Variants in SYNE2 observed in about 807,000 individuals in gnomAD.
SYNE2 encodes the protein nesprin-2.
Under a neutral mutation model 856.3 loss-of-function variants are expected in SYNE2, and 431 were observed. The observed-to-expected ratio is 0.50, with a 90% CI of 0.47 to 0.55. SYNE2 has a LOEUF of 0.55. Among genes scored for constraint, SYNE2 ranks in the 20% least tolerant of loss-of-function variants. The pLI is 0.00. For missense variants in SYNE2, 8,129 were observed against 8,023.2 expected, an observed-to-expected ratio of 1.01 and a Z score of -0.50; for synonymous variants, 2,923 against 2,872.3, an observed-to-expected ratio of 1.02 and a Z score of -0.56.
chr14:63,957,817 T>TC (rs1430875931), intron 8 of SYNE2, among the ~76,000 whole-genome samples: 2 of 152,064 alleles, frequency 1.3e-5, no homozygotes, highest in East Asian at 1.9e-4. Context: ...ACTCTTTTTT[T>TC]CCCCCTTCTT....
chr14:64,141,503 A>G lies in SYNE2; in HGVS notation c.15139A>G (p.Ile5047Val), dbSNP rs1434007527. The part of the protein sequence containing the change: ...WTMLITQLPD[I>V]QEKLHQLQME... ...AATGCTCATAACTCAACTTCCAGATATTCAAGAAAAACTTCACCAGGTAAG... is the reference window on the plus strand; with the variant it reads ...AATGCTCATAACTCAACTTCCAGATGTTCAAGAAAAACTTCACCAGGTAAG... The change falls in exon 81 of 116, where the codon ATT becomes GTT. Residue 5047 changes from isoleucine to valine, a missense_variant. By Grantham distance (29) the Ile-to-Val change is conservative. Coordinates refer to ENST00000555002, the MANE Select transcript of SYNE2 (RefSeq NM_182914.3). 6.2e-7 allele frequency: 1 copy of G among 1,614,068 alleles called. No individual in the cohort carries two copies. Among genetic ancestry groups the G allele is most frequent in the Non-Finnish European group, 8.5e-7 (1 of 1,179,968 alleles).
chr14:64,106,083 G>C (rs143182871), intron 64 of SYNE2, among the ~76,000 whole-genome samples: 4 of 150,850 alleles, frequency 2.7e-5, no homozygotes, highest in Non-Finnish European at 5.9e-5. Context: ...AAAAAGAAAG[G>C]CTATACCAAC....
intron 1 of SYNE2, among the ~76,000 whole-genome samples, chr14:63,764,856 G>A (rs1886615686): frequency 6.6e-6 from 1 of 152,166 alleles, no homozygotes; most frequent in Non-Finnish European, 1.5e-5. Context: ...GCTGAGGTGG[G>A]CAGACTGCTT....
chr14:64,060,317 C>T (rs2097306575), intron 49 of SYNE2, among the ~76,000 whole-genome samples: 1 of 152,022 alleles, frequency 6.6e-6, no homozygotes, highest in South Asian at 2.1e-4. Flanking sequence ...TACCTGGTTG[C>T]CACTGTTGAT....
chr14:63,925,317 T>C (rs1469722901), intron 2 of SYNE2, among the ~76,000 whole-genome samples: 1 of 152,172 alleles, frequency 6.6e-6, no homozygotes, highest in Non-Finnish European at 1.5e-5. Context: ...TGAGACCCTG[T>C]CTCAAACAAA....
At chr14:63,959,908 A>G (rs757458780) in intron 8 of SYNE2, among the ~76,000 whole-genome samples, 11 of 152,286 alleles carry the variant, frequency 7.2e-5, no homozygotes, top group South Asian at 4.1e-4. Flanking sequence ...AATAGACACT[A>G]TAGTAAAAAC....
At chr14:63,913,466 C>CTTTCTTTTTTTT (rs551498099) in intron 2 of SYNE2, among the ~76,000 whole-genome samples, 3 of 139,600 alleles carry the variant, frequency 2.1e-5, no homozygotes, top group African/African-American at 7.9e-5. Context: ...TTCTTTCTTT[C>CTTTCTTTTTTTT]TTTTTTTTTT....
At chr14:64,046,626 A>G (rs1166489570) in intron 45 of SYNE2, among the ~76,000 whole-genome samples, 2 of 152,180 alleles carry the variant, frequency 1.3e-5, no homozygotes, top group African/African-American at 4.8e-5. Context: ...AAAGTGCTGG[A>G]ATTACAGGCA....
At chr14:63,960,622 A>C in intron 8 of SYNE2, 1 of 575,416 alleles carries the variant, frequency 1.7e-6, no homozygotes, top group Non-Finnish European at 3.2e-6. Flanking sequence ...TTTTTTTTCC[A>C]ATAATCTTCA....
rs111944892 is a variant in SYNE2 at position 64,051,511 on chromosome 14, A to G, written c.7644-46A>G. ...GATATTTATCCACATTTTAATGTAG[A>G]ATAAGCATTAAATATTAACAAGCTC... On this transcript the variant is annotated intron_variant, in intron 47 of 115. Coordinates refer to ENST00000555002, the MANE Select transcript of SYNE2 (RefSeq NM_182914.3). 1.2e-3 allele frequency: 1,794 copies of G among 1,525,732 alleles called. 15 individuals are homozygous for G. The African/African-American group carries it at 0.022, about 19-fold the overall frequency. 94.5% of individuals were successfully genotyped at this position (1,525,732 alleles called of 1,614,324 possible). A position where few individuals can be genotyped will look rare whatever the true frequency, so the allele number is the denominator to read the frequency against.
At chr14:64,113,007 A>G (rs926094980) in intron 65 of SYNE2, 28 of 985,110 alleles carry the variant, frequency 2.8e-5, no homozygotes, top group Admixed American at 6.2e-5. Flanking sequence ...ACACTGGCCA[A>G]TTCCCTTAAA....
chr14:63,864,703 C>T (rs892599810), intron 1 of SYNE2, among the ~76,000 whole-genome samples: 5 of 152,064 alleles, frequency 3.3e-5, no homozygotes, highest in Non-Finnish European at 7.4e-5. Flanking sequence ...CAAATCATTT[C>T]TTTTCTAATT....
chr14:63,954,698 G>A (rs1196923252), intron 7 of SYNE2, 21 bp from the exon 8 acceptor site: 5 of 1,609,954 alleles, frequency 3.1e-6, no homozygotes, highest in African/African-American at 1.3e-5. Flanking sequence ...TATTTGTCAT[G>A]TTTTTGTCTT....
intron 38 of SYNE2, chr14:64,023,087 T>C: frequency 5.9e-6 from 3 of 506,876 alleles, no homozygotes; most frequent in South Asian, 4.5e-5. Context: ...TGAAACCTTA[T>C]CTCTACAAAA....
intron 79 of SYNE2, among the ~76,000 whole-genome samples, chr14:64,139,600 A>G (rs1213162715): frequency 2.6e-5 from 4 of 151,750 alleles, no homozygotes; most frequent in Non-Finnish European, 4.4e-5. Context: ...TTTAGTAGAG[A>G]CAGGGTTTTA....
Position 64,162,172 on chromosome 14 carries a change from G to A in SYNE2, c.16195G>A (p.Ala5399Thr), listed in dbSNP as rs140265039. 318 of 1,614,220 alleles carry A rather than the reference G, an allele frequency of 2.0e-4. 1 individual carries two copies. In the African/African-American group the frequency reaches 3.1e-3, roughly 16 times the overall value. The change falls in exon 88 of 116, where the codon GCA becomes ACA. Residue 5399 changes from alanine to threonine, a missense_variant. Physicochemically the swap from Ala to Thr is moderately conservative, Grantham distance 58 (BLOSUM62 0). Around this residue, in one of 3 missense-constraint regions of SYNE2, gnomAD observed 5,410 missense variants for 5,284.8 expected, o/e 1.02. Coordinates refer to ENST00000555002, the MANE Select transcript of SYNE2 (RefSeq NM_182914.3). Reference protein sequence around the residue: ...AYSNAHGEAAARLKQQEAKFQ... With the variant: ...AYSNAHGEAATRLKQQEAKFQ... ...TAGCAATGCTCATGGTGAAGCTGCC[G>A]CAAGGCTGAAGCAGCAGGAAGCAAA... is the stretch of plus-strand genomic sequence containing the variant.
At chr14:63,925,870 T>A (rs942808345) in intron 2 of SYNE2, among the ~76,000 whole-genome samples, 4 of 152,186 alleles carry the variant, frequency 2.6e-5, no homozygotes, top group African/African-American at 9.7e-5. Context: ...TCCTTCTTTT[T>A]TGGGATAGGG....
chr14:63,917,492 C>T (rs111322000), intron 2 of SYNE2, among the ~76,000 whole-genome samples: 12 of 151,982 alleles, frequency 7.9e-5, no homozygotes, highest in Non-Finnish European at 1.0e-4. Context: ...TTTTTTGAGA[C>T]GGAATTTCAC....
At chr14:63,866,068 G>A (rs1197713392) in intron 1 of SYNE2, among the ~76,000 whole-genome samples, 1 of 151,978 alleles carries the variant, frequency 6.6e-6, no homozygotes, top group Non-Finnish European at 1.5e-5. Flanking sequence ...CTTCCCTGTA[G>A]AAATATCCCT....
Sources: gnomAD v4.1 joint callset for allele counts (sites outside exome capture counted in the v4.1 genomes callset) on GRCh38, gnomAD v4.1.1 for gene constraint, gnomAD v4.1.1 regional missense constraint, MANE v1.5 for transcripts, NCBI Gene and HGNC (gene_info 2026-07-23, HGNC 2026-07-21) for gene names.